PIK3CB: variants seen among roughly 807,000 people sequenced by gnomAD.
PIK3CB encodes phosphatidylinositol 4,5-bisphosphate 3-kinase catalytic subunit beta isoform.
In PIK3CB, 39 loss-of-function variants were observed where a neutral mutation model predicts 136.8. That is an observed-to-expected ratio of 0.29 (90% CI 0.22 to 0.37). PIK3CB has a LOEUF of 0.37. Ranked by LOEUF, PIK3CB falls within the 10% of genes least tolerant of loss-of-function variation. The pLI, the probability that PIK3CB is intolerant of heterozygous loss-of-function variation, is 1.00. For synonymous variants in PIK3CB, 428 were observed against 436.6 expected (o/e 0.98, Z 0.25); for missense variants, 868 against 1,275.4 (o/e 0.68, Z 4.87).
chr3:138,772,134 T>C (rs1332768017), intron 2 of PIK3CB, among the ~76,000 whole-genome samples: 1 of 152,076 alleles, frequency 6.6e-6, no homozygotes, highest in Non-Finnish European at 1.5e-5. Context: ...ATCAAGAATA[T>C]GTGGCAATGT....
intron 14 of PIK3CB, among the ~76,000 whole-genome samples, chr3:138,692,532 G>A (rs527983243): frequency 3.5e-3 from 527 of 152,206 alleles, no homozygotes; most frequent in Middle Eastern, 6.8e-3. Flanking sequence ...TTTTGATTAG[G>A]TTTATTGTAA....
chr3:138,824,650 G>A (rs1469819840), intron 1 of PIK3CB, among the ~76,000 whole-genome samples: 2 of 151,538 alleles, frequency 1.3e-5, no homozygotes, highest in South Asian at 2.1e-4. Flanking sequence ...CCAAGATCAC[G>A]CCATTGCACT....
intron 21 of PIK3CB, among the ~76,000 whole-genome samples, chr3:138,660,016 G>C (rs1577038465): frequency 6.6e-6 from 1 of 151,604 alleles, no homozygotes; most frequent in Non-Finnish European, 1.5e-5. Context: ...TAGGCTGAGA[G>C]TATACCTCCC....
At chr3:138,802,549 GAA>G (rs59622228) in intron 1 of PIK3CB, among the ~76,000 whole-genome samples, 9 of 147,196 alleles carry the variant, frequency 6.1e-5, no homozygotes, top group Admixed American at 1.4e-4. Context: ...TTTGTGAGGG[GAA>G]AAAAAAAAAG....
chr3:138,721,935 A>G (rs1438594423), intron 8 of PIK3CB, among the ~76,000 whole-genome samples: 1 of 152,170 alleles, frequency 6.6e-6, no homozygotes, highest in African/African-American at 2.4e-5. Flanking sequence ...GTATTGAAAT[A>G]TGCTACAAAC....
chr3:138,772,630 T>TCGA (rs1310167250), intron 2 of PIK3CB, among the ~76,000 whole-genome samples: 1 of 149,118 alleles, frequency 6.7e-6, no homozygotes, highest in Non-Finnish European at 1.5e-5. Context: ...CATCATTCTT[T>TCGA]TGATTTTTTT....
At chr3:138,783,063 A>T (rs568314132) in intron 2 of PIK3CB, among the ~76,000 whole-genome samples, 107 of 152,338 alleles carry the variant, frequency 7.0e-4, no homozygotes, top group African/African-American at 1.5e-3. Context: ...TGAGGCTACC[A>T]TTATGACACC....
chr3:138,778,816 C>T, intron 2 of PIK3CB: 1 of 217,254 alleles, frequency 4.6e-6, no homozygotes, highest in South Asian at 7.7e-5. Context: ...CCTCCTGGAC[C>T]ACCAGCCCCA....
chr3:138,739,093 G>A (rs1217482953), intron 5 of PIK3CB, among the ~76,000 whole-genome samples: 1 of 152,072 alleles, frequency 6.6e-6, no homozygotes, highest in Admixed American at 6.6e-5. Context: ...TGAAAACTTT[G>A]GGATGTGATT....
At chr3:138,777,970 T>TAC (rs2045879811) in intron 2 of PIK3CB, 1 of 379,568 alleles carries the variant, frequency 2.6e-6, no homozygotes, top group South Asian at 2.1e-5. Flanking sequence ...TGTTCCATGA[T>TAC]GATTCTACCC....
chr3:138,805,799 G>T (rs961523026), intron 1 of PIK3CB, among the ~76,000 whole-genome samples: 1 of 151,666 alleles, frequency 6.6e-6, no homozygotes, highest in Non-Finnish European at 1.5e-5. Flanking sequence ...GCGCAATCTC[G>T]GCTCACTGAA....
chr3:138,747,082 A>G (rs1427690714), intron 4 of PIK3CB, among the ~76,000 whole-genome samples: 1 of 75,624 alleles, frequency 1.3e-5, no homozygotes, highest in Non-Finnish European at 2.6e-5. Context: ...ATATATATAT[A>G]TATATATATA....
At chr3:138,817,288 G>A (rs1306222987) in intron 1 of PIK3CB, among the ~76,000 whole-genome samples, 4 of 151,980 alleles carry the variant, frequency 2.6e-5, no homozygotes, top group African/African-American at 7.3e-5. Flanking sequence ...GCAGTGAGCC[G>A]AGATCGTGCC....
chr3:138,810,057 C>T (rs1026767545), intron 1 of PIK3CB, among the ~76,000 whole-genome samples: 2 of 152,014 alleles, frequency 1.3e-5, no homozygotes, highest in Non-Finnish European at 2.9e-5. Context: ...GACAGGAAAT[C>T]GTGAAAGGGA....
intron 2 of PIK3CB, among the ~76,000 whole-genome samples, chr3:138,771,915 C>A (rs2108765743): frequency 1.9e-5 from 2 of 107,046 alleles, no homozygotes; most frequent in Non-Finnish European, 1.8e-5. Context: ...GAGCAAGACT[C>A]AGTCTCAAAA....
chr3:138,673,096 A>G (rs1337027610), intron 19 of PIK3CB, among the ~76,000 whole-genome samples: 1 of 152,140 alleles, frequency 6.6e-6, no homozygotes, highest in Non-Finnish European at 1.5e-5. Context: ...TCAACGCCAG[A>G]GCACACAGAG....
chr3:138,711,504 G>T (rs991373195), intron 10 of PIK3CB, among the ~76,000 whole-genome samples: 22 of 148,098 alleles, frequency 1.5e-4, no homozygotes, highest in African/African-American at 5.5e-4. Context: ...GCTTGAACCT[G>T]GGAGGCAGAG....
At chr3:138,732,396 T>TA (rs2045001139) in intron 8 of PIK3CB, among the ~76,000 whole-genome samples, 1 of 152,300 alleles carries the variant, frequency 6.6e-6, no homozygotes, top group African/African-American at 2.4e-5. Flanking sequence ...CCAAAATCTT[T>TA]AATACCCATG....
intron 15 of PIK3CB, among the ~76,000 whole-genome samples, chr3:138,689,434 T>C (rs565733137): frequency 1.3e-3 from 201 of 152,248 alleles, no homozygotes; most frequent in African/African-American, 3.0e-3. Context: ...GCTGGGATTA[T>C]AGGCATGCGC....
Sources: gnomAD v4.1 joint callset for allele counts (sites outside exome capture counted in the v4.1 genomes callset) on GRCh38, gnomAD v4.1.1 for gene constraint, MANE v1.5 for transcripts, NCBI Gene and HGNC (gene_info 2026-07-23, HGNC 2026-07-21) for gene names.